The following RBPJ variants were observed in gnomAD, a reference collection of about 807,000 sequenced individuals.
RBPJ encodes recombination signal binding protein for immunoglobulin kappa J region.
Under a neutral mutation model 67.8 loss-of-function variants are expected in RBPJ, and 9 were observed. That is an observed-to-expected ratio of 0.13 (90% CI 0.08 to 0.23). The LOEUF (loss-of-function observed/expected upper bound fraction) is 0.23. RBPJ is among the 10% of genes least tolerant of loss of function. The pLI is 1.00. For missense variants in RBPJ, 305 were observed against 595.6 expected, an observed-to-expected ratio of 0.51 and a Z score of 5.08; for synonymous variants, 198 against 203.3, an observed-to-expected ratio of 0.97 and a Z score of 0.22.
intron 1 of RBPJ, among the ~76,000 whole-genome samples, chr4:26,252,650 A>T (rs6844754): frequency 0.28 from 42,096 of 152,112 alleles, 5,930 homozygotes; most frequent in African/African-American, 0.33. Flanking sequence ...AATAAATCTT[A>T]ACATTTAAGA....
At chr4:26,135,827 C>A in the RBPJ span, among the ~76,000 whole-genome samples, 5 of 152,106 alleles carry the variant, frequency 3.3e-5, no homozygotes, top group Non-Finnish European at 7.4e-5. Flanking sequence ...AGAGGTCAAC[C>A]CCACATGTGG....
At chr4:26,275,436 A>C (rs755695468) in intron 1 of RBPJ, among the ~76,000 whole-genome samples, 2 of 152,184 alleles carry the variant, frequency 1.3e-5, no homozygotes, top group Non-Finnish European at 2.9e-5. Flanking sequence ...GCCTCCCAAC[A>C]GGCCAGTGGG....
At chr4:26,211,403 G>A (rs2109172191) in intron 1 of RBPJ, among the ~76,000 whole-genome samples, 1 of 152,226 alleles carries the variant, frequency 6.6e-6, no homozygotes. Context: ...GGAGAAAATA[G>A]ATATTTACAC....
intron 1 of RBPJ, among the ~76,000 whole-genome samples, chr4:26,344,347 G>T (rs1481195866): frequency 6.6e-6 from 1 of 152,072 alleles, no homozygotes; most frequent in East Asian, 1.9e-4. Context: ...CCATTCTCCT[G>T]CGTCAGCCTC....
chr4:26,177,226 C>T (rs963691170), intron 1 of RBPJ, among the ~76,000 whole-genome samples: 13 of 152,196 alleles, frequency 8.5e-5, no homozygotes, highest in African/African-American at 2.7e-4. Context: ...TCTAGCTCGT[C>T]ACTGGAGGAG....
chr4:26,192,344 C>T (rs1159082945), intron 1 of RBPJ, among the ~76,000 whole-genome samples: 2 of 152,170 alleles, frequency 1.3e-5, no homozygotes, highest in African/African-American at 2.4e-5. Flanking sequence ...ACATAACACA[C>T]ATTCTTTTGT....
At chr4:26,320,987 G>A (rs760981194), upstream of RBPJ, 6 of 1,566,788 alleles carry the variant, frequency 3.8e-6, no homozygotes, top group South Asian at 5.5e-5. Context: ...GCGTCGGGGG[G>A]AATCTCGCGA....
chr4:26,303,367 A>G (rs1303402820), intron 1 of RBPJ, among the ~76,000 whole-genome samples: 1 of 146,374 alleles, frequency 6.8e-6, no homozygotes, highest in Non-Finnish European at 1.5e-5. Context: ...CAGGAGTCTG[A>G]GGCCAGAGGA....
At chr4:26,154,172 A>G in the RBPJ span, among the ~76,000 whole-genome samples, 2 of 152,214 alleles carry the variant, frequency 1.3e-5, no homozygotes, top group African/African-American at 4.8e-5. Context: ...GGAGGCAATC[A>G]TAACACGGGG....
chr4:26,176,788 C>T (rs1186213832), intron 1 of RBPJ, among the ~76,000 whole-genome samples: 1 of 152,246 alleles, frequency 6.6e-6, no homozygotes, highest in Admixed American at 6.5e-5. Context: ...TGGCCCAAGG[C>T]CTAAGCCAGG....
intron 1 of RBPJ, among the ~76,000 whole-genome samples, chr4:26,283,283 G>A (rs1398381308): frequency 3.3e-5 from 5 of 149,364 alleles, no homozygotes; most frequent in East Asian, 2.1e-4. Flanking sequence ...AGTGGCTCAC[G>A]CCTGTAATCC....
At chr4:26,121,393 A>C in the RBPJ span, among the ~76,000 whole-genome samples, 1 of 152,174 alleles carries the variant, frequency 6.6e-6, no homozygotes, top group African/African-American at 2.4e-5. Context: ...CATCTGGCAG[A>C]AAAGATTTAA....
At chr4:26,270,397 GAA>G (rs1182213427) in intron 1 of RBPJ, among the ~76,000 whole-genome samples, 9 of 61,198 alleles carry the variant, frequency 1.5e-4, no homozygotes, top group African/African-American at 4.0e-4. Context: ...AAGAAAGAAA[GAA>G]AGAAAGAAAG....
At chr4:26,277,979 T>G (rs756638762) in intron 1 of RBPJ, among the ~76,000 whole-genome samples, 5 of 152,162 alleles carry the variant, frequency 3.3e-5, no homozygotes, top group Non-Finnish European at 7.4e-5. Flanking sequence ...ATGTGTGTGT[T>G]TGTGTGTGTG....
chr4:26,247,185 T>G (rs907264012), intron 1 of RBPJ, among the ~76,000 whole-genome samples: 27 of 152,028 alleles, frequency 1.8e-4, no homozygotes, highest in Non-Finnish European at 2.9e-4. Context: ...TGAAAGTTTA[T>G]TTTTTTCATT....
rs1312665771 is a variant in RBPJ, at chr4:26,210,809, T to TTCTTTCTTTCTTTCTTTCTC, written c.-167+47196_-167+47197insCTTTCTTTCTTTCTTTCTCT. On this transcript the variant is annotated intron_variant, in intron 1 of 4. Transcript: ENST00000512351. ...TTTCTTTCTTTCTTTCTTTCTTTCT[T>TTCTTTCTTTCTTTCTTTCTC]TTCTCCTGTGTGTCTGGCTCTTTTA... 2.7e-5 allele frequency among the ~76,000 whole-genome samples: 4 copies of TTCTTTCTTTCTTTCTTTCTC among 150,056 alleles called. No homozygotes were observed. The South Asian group carries it at 8.5e-4, about 32-fold the overall frequency.
chr4:26,274,952 GAAAAGAAAAGAA>G (rs1417225222), intron 1 of RBPJ, among the ~76,000 whole-genome samples: 1 of 151,674 alleles, frequency 6.6e-6, no homozygotes, highest in African/African-American at 2.4e-5. Flanking sequence ...AACAAAAAAA[GAAAAGAAAAGAA>G]AAAAGAAAGG....
intron 2 of RBPJ, among the ~76,000 whole-genome samples, chr4:26,393,744 T>C (rs1051356166): frequency 6.6e-6 from 1 of 152,090 alleles, no homozygotes. Flanking sequence ...GTTAGGAAAA[T>C]TTTAGTATCT....
intron 1 of RBPJ, among the ~76,000 whole-genome samples, chr4:26,294,068 T>C (rs944303710): frequency 1.4e-4 from 2 of 14,784 alleles, no homozygotes; most frequent in African/African-American, 1.0e-3. Context: ...AGGAAGTTGT[T>C]TTTGTTTTTG....
Sources: allele counts gnomAD v4.1 joint callset (sites outside exome capture counted in the v4.1 genomes callset), GRCh38; gene constraint gnomAD v4.1.1; transcripts MANE v1.5; gene names NCBI Gene and HGNC (gene_info 2026-07-23, HGNC 2026-07-21).